PTPRD: variants seen among roughly 807,000 people sequenced by gnomAD.
PTPRD encodes protein tyrosine phosphatase receptor type D, also known as receptor-type tyrosine-protein phosphatase delta.
In PTPRD, 34 loss-of-function variants were observed where a neutral mutation model predicts 214.5. That is an observed-to-expected ratio of 0.16 (90% confidence interval 0.12 to 0.21). The LOEUF (loss-of-function observed/expected upper bound fraction) is 0.21, where lower values mean the gene tolerates loss of function less well. Ranked by LOEUF, PTPRD falls within the 10% of genes least tolerant of loss-of-function variation. PTPRD has a pLI of 1.00. For synonymous variants in PTPRD, 1,128 were observed against 845.7 expected, an observed-to-expected ratio of 1.33 and a Z score of -5.79; for missense variants, 2,545 against 2,398.7, an observed-to-expected ratio of 1.06 and a Z score of -1.27.
chr9:9,736,171 G>T (rs1422138363), intron 6 of PTPRD, among the ~76,000 whole-genome samples: 2 of 152,092 alleles, frequency 1.3e-5, no homozygotes, highest in African/African-American at 4.8e-5. Flanking sequence ...TGAATATATT[G>T]TACACTGTAA....
Position 8,713,385 on chromosome 9 carries a change from G to T in PTPRD, c.64+20395C>A, listed in dbSNP as rs187842397. ...TGCCCACTCCCAAATGCCACACACCGCCCCTCTACCGCATGCGAATCTTTG... is the reference window on the plus strand; with the variant it reads ...TGCCCACTCCCAAATGCCACACACCTCCCCTCTACCGCATGCGAATCTTTG... On this transcript the variant is annotated intron_variant, in intron 12 of 45. Transcript: ENST00000381196. 1.9e-4 allele frequency: 205 copies of T among 1,076,248 alleles called. No individual in the cohort carries two copies. In the African/African-American group the frequency reaches 2.8e-3, roughly 14 times the overall value. The allele number at this position is 1,076,248 out of a possible 1,614,324, so 66.7% of individuals were successfully genotyped here.
At chr9:10,451,310 C>T (rs1198572916) in intron 2 of PTPRD, among the ~76,000 whole-genome samples, 4 of 151,846 alleles carry the variant, frequency 2.6e-5, no homozygotes, top group Non-Finnish European at 5.9e-5. Flanking sequence ...CCTTATTTCA[C>T]TAGAGAATTA....
intron 10 of PTPRD, among the ~76,000 whole-genome samples, chr9:9,164,969 C>G (rs2099899479): frequency 6.6e-6 from 1 of 150,912 alleles, no homozygotes; most frequent in Admixed American, 6.6e-5. Context: ...AGGAGAATCG[C>G]TTAACCCAAG....
At chr9:9,992,348 G>A (rs7031512) in intron 4 of PTPRD, among the ~76,000 whole-genome samples, 104,762 of 152,052 alleles carry the variant, frequency 0.69, 36,553 homozygotes, top group Middle Eastern at 0.78. Flanking sequence ...TAGCTTATCA[G>A]TCATCATTGG....
rs188169452 is a variant in PTPRD at position 10,290,118 on chromosome 9, A to G, written c.-545+50845T>C. Among the ~76,000 whole-genome samples the G allele has an allele frequency of 5.2e-3, 798 of 152,226 alleles. 8 individuals are homozygous for G. The highest frequency in any genetic ancestry group is 0.018 in the African/African-American group (753 of 41,540). ...CAAATCATTATCCAGGAGCTTCCCC[A>G]AAGGTGTGTAAAAATAACTACATTA... On this transcript the variant is annotated intron_variant, in intron 3 of 45. Coordinates refer to ENST00000381196, the MANE Select transcript of PTPRD (RefSeq NM_002839.4).
chr9:9,665,242 A>G (rs1409561002), intron 7 of PTPRD, among the ~76,000 whole-genome samples: 1 of 151,746 alleles, frequency 6.6e-6, no homozygotes, highest in Non-Finnish European at 1.5e-5. Flanking sequence ...AGAATGGTCC[A>G]TTTAAAAACC....
At chr9:9,056,984 T>C (rs1238108007) in intron 10 of PTPRD, among the ~76,000 whole-genome samples, 2 of 152,216 alleles carry the variant, frequency 1.3e-5, no homozygotes, top group East Asian at 1.9e-4. Flanking sequence ...CTAGATCATT[T>C]ATGCTTTTGC....
At chr9:9,163,749 G>A (rs565849670) in intron 10 of PTPRD, among the ~76,000 whole-genome samples, 9 of 152,266 alleles carry the variant, frequency 5.9e-5, no homozygotes, top group Non-Finnish European at 8.8e-5. Context: ...ACCTCAGTAC[G>A]TTAAGCAGCC....
intron 4 of PTPRD, among the ~76,000 whole-genome samples, chr9:10,001,789 T>C (rs977480756): frequency 1.1e-4 from 16 of 152,144 alleles, no homozygotes; most frequent in Admixed American, 9.8e-4. Flanking sequence ...TGAGAAATAC[T>C]AACTGGAGAG....
intron 10 of PTPRD, among the ~76,000 whole-genome samples, chr9:9,083,450 C>T (rs1045846645): frequency 6.6e-6 from 1 of 152,120 alleles, no homozygotes; most frequent in Non-Finnish European, 1.5e-5. Context: ...TATAAATCTC[C>T]TAGAAGAAAA....
chr9:10,089,779 A>G (rs943159607), intron 3 of PTPRD, among the ~76,000 whole-genome samples: 9 of 151,676 alleles, frequency 5.9e-5, no homozygotes, highest in Non-Finnish European at 8.9e-5. Flanking sequence ...TTCTCTACAT[A>G]TATTAAATGA....
chr9:8,897,288 C>A (rs1008465633), intron 11 of PTPRD, among the ~76,000 whole-genome samples: 3 of 150,658 alleles, frequency 2.0e-5, no homozygotes, highest in Non-Finnish European at 2.9e-5. Context: ...AGTGAAAAGA[C>A]AATAAGCATA....
intron 6 of PTPRD, among the ~76,000 whole-genome samples, chr9:9,736,080 A>C (rs896951648): frequency 6.6e-6 from 1 of 152,102 alleles, no homozygotes; most frequent in East Asian, 1.9e-4. Flanking sequence ...TTAATGTCTC[A>C]TGTTCATCAC....
In PTPRD at chr9:8,488,094, G is replaced by T. The variant is rs76393232; in HGVS notation, c.2468-1745C>A. Among the ~76,000 whole-genome samples the T allele has an allele frequency of 2.6e-5, 4 of 152,090 alleles. No individual in the cohort carries two copies. In the South Asian group the frequency reaches 8.3e-4, roughly 32 times the overall value. ...GGAAAGCTTACAGTAATGGGAAACA[G>T]GTGATAAAAAATCATACCATGGGGA... is the stretch of plus-strand genomic sequence containing the variant. On this transcript the variant is annotated intron_variant, in intron 27 of 45. Coordinates refer to ENST00000381196, the MANE Select transcript of PTPRD (RefSeq NM_002839.4).
At chr9:9,598,335 T>C (rs1478284432) in intron 7 of PTPRD, among the ~76,000 whole-genome samples, 6 of 151,956 alleles carry the variant, frequency 3.9e-5, no homozygotes, top group East Asian at 1.9e-4. Flanking sequence ...AAAATGGGGA[T>C]GTCGAGTAGG....
intron 5 of PTPRD, among the ~76,000 whole-genome samples, chr9:9,832,467 C>G (rs1011050327): frequency 1.3e-5 from 2 of 151,908 alleles, no homozygotes; most frequent in African/African-American, 4.8e-5. Context: ...TCCATGTTAA[C>G]AGAACTCTAA....
At chr9:8,440,823 T>C (rs1022432738) in intron 34 of PTPRD, among the ~76,000 whole-genome samples, 2 of 152,184 alleles carry the variant, frequency 1.3e-5, no homozygotes, top group African/African-American at 4.8e-5. Flanking sequence ...AAGTAAACTT[T>C]AAAATCATGG....
At chr9:10,427,766 G>T (rs2098637005) in intron 2 of PTPRD, among the ~76,000 whole-genome samples, 1 of 152,004 alleles carries the variant, frequency 6.6e-6, no homozygotes, top group Non-Finnish European at 1.5e-5. Flanking sequence ...ACCCACTGGG[G>T]TGGAAAATGT....
chr9:8,481,138 T>C (rs1178990574), intron 30 of PTPRD, among the ~76,000 whole-genome samples: 2 of 51,290 alleles, frequency 3.9e-5, no homozygotes, highest in African/African-American at 1.8e-4. Context: ...AGACTCCGTC[T>C]CAAAAAAAAA....
Sources: allele counts gnomAD v4.1 joint callset (sites outside exome capture counted in the v4.1 genomes callset), GRCh38; gene constraint gnomAD v4.1.1; transcripts MANE v1.5; gene names NCBI Gene and HGNC (gene_info 2026-07-23, HGNC 2026-07-21).